Variants in CCNF observed in about 807,000 individuals in gnomAD.
CCNF encodes cyclin-F.
In CCNF, 30 loss-of-function variants were observed where a neutral mutation model predicts 85.4. The ratio of observed to expected loss-of-function variants is 0.35; its 90% CI spans 0.26 to 0.48. CCNF has a LOEUF of 0.48. CCNF is among the 20% of genes least tolerant of loss of function. The pLI, the probability that CCNF is intolerant of heterozygous loss-of-function variation, is 0.99. For missense variants in CCNF, 919 were observed against 1,010.4 expected, an observed-to-expected ratio of 0.91 and a Z score of 1.23; for synonymous variants, 439 against 425.1, an observed-to-expected ratio of 1.03 and a Z score of -0.40.
chr16:2,443,077 ATATAT>A (rs1194208569), intron 8 of CCNF, among the ~76,000 whole-genome samples: 79 of 47,226 alleles, frequency 1.7e-3, no homozygotes, highest in African/African-American at 9.3e-3. Context: ...TATATTATAG[ATATAT>A]TATATATAAT....
chr16:2,433,050 C>A lies in CCNF; in HGVS notation c.261C>A (p.Asn87Lys), dbSNP rs752507974. 35 of 1,608,734 alleles carry A rather than the reference C, an allele frequency of 2.2e-5. No homozygotes were observed. Among genetic ancestry groups the A allele is most frequent in the Non-Finnish European group, 2.5e-5 (29 of 1,176,102 alleles). The change falls in exon 3 of 17, where the codon AAC becomes AAA. Residue 87 changes from asparagine to lysine, a missense_variant. Physicochemically the swap from Asn to Lys is moderately conservative, Grantham distance 94. Transcript: ENST00000397066. ...SFQELWPSPG[N>K]LKLFERAAEK... ...AGGAGCTGTGGCCGTCTCCAGGGAA[C>A]CTGAAGCTCTTTGAAAGGTATCTCT... is the stretch of plus-strand genomic sequence containing the variant.
At position 2,453,244 on chromosome 16, in the gene CCNF, G is replaced by A; in HGVS notation, c.1522G>A (p.Val508Ile). The A allele has an allele frequency of 6.2e-7, 1 of 1,613,816 alleles. No homozygotes were observed. Among genetic ancestry groups the A allele is most frequent in the Non-Finnish European group, 8.5e-7 (1 of 1,180,020 alleles). Residue 508 changes from valine (V) to isoleucine (I), a missense_variant, in exon 14 of 17, where the codon GTC becomes ATC. Coordinates refer to ENST00000397066, the MANE Select transcript of CCNF (RefSeq NM_001761.3). The surrounding 1 kb of genome is among the most constrained non-coding windows in gnomAD (Gnocchi z 5.6). Reference sequence around the variant, plus strand: ...TGACGCCCCCAAGGACTACAGGCAAGTCTCTCTGACCGCCGTGAAGCAGCG... The same window carrying A: ...TGACGCCCCCAAGGACTACAGGCAAATCTCTCTGACCGCCGTGAAGCAGCG... ...HDDAPKDYRQVSLTAVKQRFE... is the reference protein window; with the variant it reads ...HDDAPKDYRQISLTAVKQRFE...
rs755954398 is a variant in CCNF at position 2,458,542 on chromosome 16, G to T, written c.*1522G>T. On this transcript the variant is annotated 3_prime_UTR_variant, in exon 17 of 17. Transcript: ENST00000397066. ...TGGGATTACAGGCATGAGCCACGGC[G>T]CCTGGCCCCCAAATGCTCTTGAACC... 6.6e-6 allele frequency: 1 copy of T among 152,452 alleles called. No individual in the cohort carries two copies. Among genetic ancestry groups the T allele is most frequent in the African/African-American group, 2.4e-5 (1 of 41,448 alleles). 9.4% of individuals were successfully genotyped at this position (152,452 alleles called of 1,614,324 possible).
chr16:2,448,769 G>A, intron 10 of CCNF, 86 bp from the exon 11 acceptor site: 2 of 1,243,728 alleles, frequency 1.6e-6, no homozygotes, highest in South Asian at 2.7e-5. Flanking sequence ...TCCCTACCTT[G>A]AGGCCTCCTA....
At chr16:2,454,309 T>C (rs796864081) in intron 15 of CCNF, among the ~76,000 whole-genome samples, 23 of 152,290 alleles carry the variant, frequency 1.5e-4, no homozygotes, top group African/African-American at 5.3e-4. Context: ...TGACAGCACT[T>C]TCCATTGTGT....
At position 2,452,792 on chromosome 16, in the gene CCNF, G is replaced by A. The variant is rs997507994; in HGVS notation, c.1488-418G>A. 3.8e-5 allele frequency: 8 copies of A among 212,718 alleles called. No homozygotes were observed. Among genetic ancestry groups the A allele is most frequent in the Non-Finnish European group, 6.7e-5 (7 of 104,070 alleles). The allele number at this position is 212,718 out of a possible 1,614,324, so 13.2% of individuals were successfully genotyped here. ...TACATTCCATATAAATGGCGTCATC[G>A]GACAAGTGGCCTTCTGTGTCTAGGT... On this transcript the variant is annotated intron_variant, in intron 13 of 16. Transcript: ENST00000397066. The surrounding 1 kb of genome is among the most constrained non-coding windows in gnomAD (Gnocchi z 4.1).
intron 1 of CCNF, among the ~76,000 whole-genome samples, chr16:2,430,839 G>T (rs989360112): frequency 2.0e-5 from 3 of 152,136 alleles, no homozygotes; most frequent in African/African-American, 7.2e-5. Flanking sequence ...TGTCATGTGG[G>T]CTCTGGATCA....
At chr16:2,437,411 A>G in intron 5 of CCNF, 89 bp downstream of exon 5, 1 of 1,021,166 alleles carries the variant, frequency 9.8e-7, no homozygotes, top group African/African-American at 1.6e-5. Flanking sequence ...TGGACCCTGG[A>G]AAGTCAGGAG....
At chr16:2,430,259 A>G (rs2065256043) in intron 1 of CCNF, among the ~76,000 whole-genome samples, 1 of 151,994 alleles carries the variant, frequency 6.6e-6, no homozygotes, top group Non-Finnish European at 1.5e-5. Flanking sequence ...ATAGAAAGGT[A>G]GATTTGTAGA....
intron 3 of CCNF, 52 bp downstream of exon 3, chr16:2,433,119 A>G (rs2065270999): frequency 1.7e-6 from 2 of 1,162,506 alleles, no homozygotes; most frequent in Middle Eastern, 3.8e-4. Context: ...TGGCCTCCCT[A>G]TGTGCCAGTC....
At chr16:2,443,554 A>G in intron 8 of CCNF, 95 bp from the exon 9 acceptor site, 1 of 1,219,822 alleles carries the variant, frequency 8.2e-7, no homozygotes, top group South Asian at 1.3e-5. Context: ...CAGTGTGTCC[A>G]CATGCATTTG....
intron 6 of CCNF, 98 bp downstream of exon 6, chr16:2,438,221 C>A: frequency 1.1e-6 from 1 of 927,028 alleles, no homozygotes; most frequent in Non-Finnish European, 1.8e-6. Flanking sequence ...GTCCAAGGCC[C>A]AAAACAAAAG....
At chr16:2,440,727 A>G (rs1303244114) in intron 8 of CCNF, among the ~76,000 whole-genome samples, 2 of 152,160 alleles carry the variant, frequency 1.3e-5, no homozygotes, top group African/African-American at 4.8e-5. Flanking sequence ...AAAATTACAA[A>G]TTGATAATGG....
intron 7 of CCNF, 85 bp from the exon 8 acceptor site, chr16:2,439,664 G>A: frequency 8.7e-7 from 1 of 1,148,100 alleles, no homozygotes; most frequent in Admixed American, 1.9e-5. Context: ...TGGGAAGTTA[G>A]CGTAGTGTCG....
chr16:2,435,458 G>A (rs28562606), intron 3 of CCNF, among the ~76,000 whole-genome samples: 2,409 of 150,698 alleles, frequency 0.016, 83 homozygotes, highest in African/African-American at 0.056. Context: ...GGTGGCACAT[G>A]CCTGTAGTCC....
At chr16:2,439,569 CG>C in intron 7 of CCNF, 112 bp downstream of exon 7, 2 of 938,606 alleles carry the variant, frequency 2.1e-6, no homozygotes, top group South Asian at 3.0e-5. Context: ...TTGCTGCTCC[CG>C]GTCTCTCAGC....
chr16:2,454,963 G>A (rs780925478), intron 15 of CCNF, among the ~76,000 whole-genome samples: 1 of 151,786 alleles, frequency 6.6e-6, no homozygotes, highest in South Asian at 2.1e-4. Flanking sequence ...AGGAGCCTGA[G>A]GCAGGAGACT....
intron 7 of CCNF, 92 bp from the exon 8 acceptor site, chr16:2,439,657 G>T: frequency 9.2e-7 from 1 of 1,083,930 alleles, no homozygotes; most frequent in Non-Finnish European, 1.4e-6. Context: ...GAAGAGGTGG[G>T]AAGTTAGCGT....
intron 8 of CCNF, among the ~76,000 whole-genome samples, chr16:2,442,968 TTTATATA>T (rs1325553318): frequency 9.7e-6 from 1 of 103,050 alleles, no homozygotes; most frequent in African/African-American, 4.0e-5. Flanking sequence ...TTTTTATATA[TTTATATA>T]TTATATATTA....
Sources: allele counts gnomAD v4.1 joint callset (sites outside exome capture counted in the v4.1 genomes callset), GRCh38; gene constraint gnomAD v4.1.1; non-coding constraint Gnocchi (gnomAD v3.1); transcripts MANE v1.5; gene names NCBI Gene and HGNC (gene_info 2026-07-23, HGNC 2026-07-21).